Variants in SMOC2 observed in about 807,000 individuals in gnomAD.
SMOC2 encodes SPARC-related modular calcium-binding protein 2.
Under a neutral mutation model 61.4 loss-of-function variants are expected in SMOC2, and 39 were observed. The observed-to-expected ratio is 0.64, with a 90% CI of 0.49 to 0.83. The LOEUF is 0.83. Among genes scored for constraint, SMOC2 ranks in the 40% least tolerant of loss-of-function variants. The pLI is 0.00. For synonymous variants in SMOC2, 247 were observed against 239.9 expected (o/e 1.03, Z -0.27); for missense variants, 556 against 592.9 (o/e 0.94, Z 0.65).
At chr6:168,522,820 G>A (rs1187029891) in intron 2 of SMOC2, among the ~76,000 whole-genome samples, 2 of 152,202 alleles carry the variant, frequency 1.3e-5, no homozygotes, top group Non-Finnish European at 2.9e-5. Context: ...GATACCTCGT[G>A]TGTGATTGCA....
chr6:168,589,298 T>C (rs1583136735), intron 7 of SMOC2, among the ~76,000 whole-genome samples: 1 of 152,366 alleles, frequency 6.6e-6, no homozygotes, highest in Admixed American at 6.5e-5. Flanking sequence ...TATGCATTTC[T>C]TTAAAAACAA....
At chr6:168,578,613 C>G (rs568273167) in intron 7 of SMOC2, among the ~76,000 whole-genome samples, 1 of 152,346 alleles carries the variant, frequency 6.6e-6, no homozygotes, top group Non-Finnish European at 1.5e-5. Context: ...TAAGAACAAG[C>G]ATGGCTTCGT....
chr6:168,560,334 A>G (rs1784371819), intron 7 of SMOC2, among the ~76,000 whole-genome samples: 2 of 152,264 alleles, frequency 1.3e-5, no homozygotes, highest in African/African-American at 2.4e-5. Context: ...AGCATTGTAA[A>G]GCACCTTCTT....
intron 1 of SMOC2, among the ~76,000 whole-genome samples, chr6:168,448,851 G>A (rs1256260803): frequency 3.3e-5 from 5 of 152,180 alleles, no homozygotes; most frequent in African/African-American, 1.2e-4. Context: ...CTTTGGGCAC[G>A]TTTTCAGTTT....
intron 9 of SMOC2, among the ~76,000 whole-genome samples, chr6:168,613,123 C>T (rs1785931228): frequency 6.6e-6 from 1 of 152,168 alleles, no homozygotes; most frequent in Admixed American, 6.5e-5. Context: ...AGGGAACGCT[C>T]ACATTTTCGT....
chr6:168,551,756 G>T (rs1023035318), intron 7 of SMOC2, among the ~76,000 whole-genome samples: 2 of 152,164 alleles, frequency 1.3e-5, no homozygotes, highest in Non-Finnish European at 2.9e-5. Flanking sequence ...GCCAGGCTAA[G>T]AAATATAAAT....
At chr6:168,577,368 T>G (rs1385641051) in intron 7 of SMOC2, among the ~76,000 whole-genome samples, 1 of 152,182 alleles carries the variant, frequency 6.6e-6, no homozygotes, top group Non-Finnish European at 1.5e-5. Context: ...ACAAGTGCTC[T>G]CTCTCTTTTA....
intron 8 of SMOC2, 80 bp downstream of exon 8, chr6:168,599,084 C>T: frequency 3.1e-6 from 4 of 1,288,384 alleles, no homozygotes; most frequent in Non-Finnish European, 4.3e-6. Context: ...ACCCCCACTT[C>T]CCCCAACACA....
intron 2 of SMOC2, among the ~76,000 whole-genome samples, chr6:168,519,035 A>G (rs116337772): frequency 5.0e-4 from 18 of 35,942 alleles, no homozygotes; most frequent in Non-Finnish European, 2.0e-3. Context: ...ATGTGTGTGT[A>G]TGTGTGCATG....
chr6:168,558,975 G>C (rs62422461), intron 7 of SMOC2, among the ~76,000 whole-genome samples: 1 of 152,204 alleles, frequency 6.6e-6, no homozygotes, highest in Non-Finnish European at 1.5e-5. Flanking sequence ...ACGTGTATGC[G>C]TGCACACATG....
intron 1 of SMOC2, among the ~76,000 whole-genome samples, chr6:168,467,559 C>T (rs887118253): frequency 2.6e-5 from 4 of 152,112 alleles, no homozygotes; most frequent in African/African-American, 9.7e-5. Context: ...CCACCCGCCT[C>T]GGCCTCCCAA....
In SMOC2 at chr6:168,448,499, G is replaced by A. The variant is rs116829416; in HGVS notation, c.84+7045G>A. Among the ~76,000 whole-genome samples the A allele has an allele frequency of 4.9e-3, 727 of 149,560 alleles. 9 individuals carry two copies. Among genetic ancestry groups the A allele is most frequent in the African/African-American group, 0.017 (689 of 40,334 alleles). On this transcript the variant is annotated intron_variant, in intron 1 of 12. Coordinates refer to ENST00000356284, the MANE Select transcript of SMOC2 (RefSeq NM_001166412.2). ...GAAGATGGGGATGAGGAGGAGGACG[G>A]GGATGGTGAGGATGGTGATGGGGAG...
At chr6:168,532,518 G>A (rs952227557) in intron 4 of SMOC2, among the ~76,000 whole-genome samples, 2 of 135,276 alleles carry the variant, frequency 1.5e-5, no homozygotes, top group African/African-American at 4.9e-5. Context: ...GCCAAGAGAG[G>A]GTGTTTGCAA....
At chr6:168,619,229 C>A (rs1286747539) in intron 9 of SMOC2, among the ~76,000 whole-genome samples, 1 of 152,194 alleles carries the variant, frequency 6.6e-6, no homozygotes, top group East Asian at 1.9e-4. Flanking sequence ...AGGGAGCATT[C>A]TGAACGACAA....
chr6:168,628,555 T>C (rs1205844806), intron 9 of SMOC2, among the ~76,000 whole-genome samples: 2 of 152,154 alleles, frequency 1.3e-5, no homozygotes, highest in East Asian at 3.9e-4. Context: ...TTTGGAGAAA[T>C]AGTCTAAATT....
chr6:168,505,912 A>G (rs1461444837), intron 1 of SMOC2, among the ~76,000 whole-genome samples: 5 of 152,048 alleles, frequency 3.3e-5, no homozygotes, highest in African/African-American at 7.2e-5. Flanking sequence ...CTTCTGTTCA[A>G]TCTCATTTCT....
intron 1 of SMOC2, among the ~76,000 whole-genome samples, chr6:168,463,264 C>A (rs563285319): frequency 6.6e-6 from 1 of 152,324 alleles, no homozygotes; most frequent in African/African-American, 2.4e-5. Flanking sequence ...AGGAGAATCT[C>A]ATTCTCATAA....
At chr6:168,487,856 G>A (rs559552251) in intron 1 of SMOC2, among the ~76,000 whole-genome samples, 73 of 152,196 alleles carry the variant, frequency 4.8e-4, no homozygotes, top group Non-Finnish European at 7.9e-4. Flanking sequence ...ATACGTTGAT[G>A]TAGTTCCCTT....
intron 8 of SMOC2, among the ~76,000 whole-genome samples, chr6:168,600,450 A>C (rs1020845440): frequency 7.1e-6 from 1 of 141,208 alleles, no homozygotes; most frequent in African/African-American, 2.6e-5. Context: ...AAAAAACAGT[A>C]GTTTCAACTG....
Sources: allele counts gnomAD v4.1 joint callset (sites outside exome capture counted in the v4.1 genomes callset), GRCh38; gene constraint gnomAD v4.1.1; transcripts MANE v1.5; gene names NCBI Gene and HGNC (gene_info 2026-07-23, HGNC 2026-07-21).